Variants in SCGB2B2 observed in about 807,000 individuals in gnomAD.
SCGB2B2 encodes secretoglobin-like protein.
In SCGB2B2, 11 loss-of-function variants were observed where a neutral mutation model predicts 7.6. That is an observed-to-expected ratio of 1.45 (90% confidence interval 0.91 to 2.40). The LOEUF is 2.40. Among genes scored for constraint, SCGB2B2 ranks in the 30% most tolerant of loss-of-function variants. The probability of loss-of-function intolerance (pLI) is 0.00; values close to 1 mark genes in which losing one functional copy is unlikely to be tolerated. For synonymous variants in SCGB2B2, 50 were observed against 48.6 expected, an observed-to-expected ratio of 1.03 and a Z score of -0.12; for missense variants, 104 against 115.4, an observed-to-expected ratio of 0.90 and a Z score of 0.45.
At chr19:34,633,042 C>G (rs2066578456) in intron 1 of SCGB2B2, 2 of 152,346 alleles carry the variant, frequency 1.3e-5, no homozygotes, top group East Asian at 1.9e-4. Flanking sequence ...AAGCTGCTTA[C>G]TCTGCCCTGC....
At chr19:34,611,332 C>T (rs1016063506) in intron 1 of SCGB2B2, among the ~76,000 whole-genome samples, 1 of 151,944 alleles carries the variant, frequency 6.6e-6, no homozygotes, top group Non-Finnish European at 1.5e-5. Flanking sequence ...TGCTGTGATC[C>T]TTATTATAGT....
At chr19:34,650,390 G>A (rs539238250) in intron 1 of SCGB2B2, among the ~76,000 whole-genome samples, 13 of 151,404 alleles carry the variant, frequency 8.6e-5, no homozygotes, top group African/African-American at 3.2e-4. Context: ...GGTGTGGGTG[G>A]CAGCCACATC....
chr19:34,658,159 C>A (rs561568657), intron 1 of SCGB2B2, among the ~76,000 whole-genome samples: 1 of 151,940 alleles, frequency 6.6e-6, no homozygotes, highest in African/African-American at 2.4e-5. Flanking sequence ...GATCTAAAAT[C>A]GACACCCTAA....
At chr19:34,632,864 A>G (rs2066573819) in intron 1 of SCGB2B2, 1 of 152,324 alleles carries the variant, frequency 6.6e-6, no homozygotes, top group East Asian at 1.9e-4. Context: ...TCTCTCATAT[A>G]CAGCCAACCA....
intron 1 of SCGB2B2, among the ~76,000 whole-genome samples, chr19:34,651,038 T>TA (rs1304095632): frequency 6.6e-6 from 1 of 151,194 alleles, no homozygotes; most frequent in African/African-American, 2.5e-5. Context: ...AAAAGCATGA[T>TA]AAAATTCAAT....
At chr19:34,663,611 G>C (rs1245786010) in intron 1 of SCGB2B2, among the ~76,000 whole-genome samples, 1 of 152,192 alleles carries the variant, frequency 6.6e-6, no homozygotes, top group Non-Finnish European at 1.5e-5. Context: ...GTGCCGGGAG[G>C]AGCTCACCAT....
intron 1 of SCGB2B2, among the ~76,000 whole-genome samples, chr19:34,617,983 G>T (rs1352466488): frequency 6.6e-6 from 1 of 152,230 alleles, no homozygotes; most frequent in Non-Finnish European, 1.5e-5. Context: ...GCCTCGCCCT[G>T]CTTCGGCTCG....
intron 1 of SCGB2B2, among the ~76,000 whole-genome samples, chr19:34,606,542 C>CTTACT (rs1260221762): frequency 6.7e-6 from 1 of 148,768 alleles, no homozygotes; most frequent in African/African-American, 2.5e-5. Flanking sequence ...GGTGAGGACA[C>CTTACT]TTACTTAAGA....
chr19:34,654,437 A>AT (rs1465362767), intron 1 of SCGB2B2, among the ~76,000 whole-genome samples: 2 of 151,348 alleles, frequency 1.3e-5, no homozygotes, highest in Non-Finnish European at 2.9e-5. Context: ...TTAGATAAAC[A>AT]TACTTGTTAC....
At chr19:34,654,472 T>C (rs1295259572) in intron 1 of SCGB2B2, among the ~76,000 whole-genome samples, 1 of 151,210 alleles carries the variant, frequency 6.6e-6, no homozygotes, top group East Asian at 1.9e-4. Flanking sequence ...TTAATAAAGC[T>C]ATTAAAACAA....
Position 34,610,740 on chromosome 19 carries a change from C to T in SCGB2B2, c.-2031-14146G>A, listed in dbSNP as rs1053991592. On this transcript the variant is annotated intron_variant, in intron 1 of 3. Coordinates refer to ENST00000601241, the MANE Select transcript of SCGB2B2 (RefSeq NM_001025591.4). ...AGTATTTTGTTGAGGATGTTTGTAT[C>T]TATGTTTATTATGGATATTGGCCTA... is the stretch of plus-strand genomic sequence containing the variant. Among the ~76,000 whole-genome samples, 7 of 142,064 alleles carry T rather than the reference C, an allele frequency of 4.9e-5. No homozygotes were observed. The South Asian group carries it at 1.5e-3, about 31-fold the overall frequency. 93.2% of individuals were successfully genotyped at this position (142,064 alleles called of 152,430 possible). A position where few individuals can be genotyped will look rare whatever the true frequency, so the allele number is the denominator to read the frequency against.
At chr19:34,668,401 G>A (rs1252703956) in intron 1 of SCGB2B2, among the ~76,000 whole-genome samples, 4 of 152,228 alleles carry the variant, frequency 2.6e-5, no homozygotes, top group Admixed American at 2.0e-4. Flanking sequence ...GCAGGGCTCG[G>A]TACCTGCAGC....
intron 1 of SCGB2B2, among the ~76,000 whole-genome samples, chr19:34,634,437 G>A (rs2066619450): frequency 6.6e-6 from 1 of 152,212 alleles, no homozygotes; most frequent in South Asian, 2.1e-4. Context: ...GGGCAGGTTA[G>A]AAAGTGCAAT....
intron 1 of SCGB2B2, among the ~76,000 whole-genome samples, chr19:34,622,039 T>C (rs867558022): frequency 2.0e-5 from 3 of 152,226 alleles, no homozygotes; most frequent in Admixed American, 6.5e-5. Flanking sequence ...ACAGCAGTTC[T>C]GCCGCATTAT....
rs905256781 is a variant in SCGB2B2 at position 34,669,731 on chromosome 19, G to A, written c.-2032+5899C>T. Among the ~76,000 whole-genome samples the A allele has an allele frequency of 6.3e-3, 58 of 9,276 alleles. 1 individual carries two copies. Among genetic ancestry groups the A allele is most frequent in the Non-Finnish European group, 0.017 (44 of 2,554 alleles). 6.1% of individuals were successfully genotyped at this position (9,276 alleles called of 152,430 possible). A position where few individuals can be genotyped will look rare whatever the true frequency, so the allele number is the denominator to read the frequency against. On this transcript the variant is annotated intron_variant, in intron 1 of 3. Transcript: ENST00000601241. Reference sequence around the variant, plus strand: ...CCCCCACTTACACACACACACACACGAAGAGGTGTGTCTCATTTCCACCTG... The same window carrying A: ...CCCCCACTTACACACACACACACACAAAGAGGTGTGTCTCATTTCCACCTG...
At chr19:34,656,824 T>C (rs2067295080) in intron 1 of SCGB2B2, among the ~76,000 whole-genome samples, 4 of 151,314 alleles carry the variant, frequency 2.6e-5, no homozygotes, top group Admixed American at 2.6e-4. Context: ...ACAATTTATG[T>C]AAGATAAAAT....
chr19:34,665,262 G>A (rs984914027), intron 1 of SCGB2B2, among the ~76,000 whole-genome samples: 1 of 152,248 alleles, frequency 6.6e-6, no homozygotes, highest in Non-Finnish European at 1.5e-5. Flanking sequence ...CTGGACCACA[G>A]TGATGACAAG....
At chr19:34,604,231 T>C (rs965471877) in intron 1 of SCGB2B2, among the ~76,000 whole-genome samples, 2 of 152,212 alleles carry the variant, frequency 1.3e-5, no homozygotes, top group African/African-American at 4.8e-5. Flanking sequence ...AGGCTCAGGA[T>C]GTCCCTAGAT....
intron 1 of SCGB2B2, among the ~76,000 whole-genome samples, chr19:34,617,692 C>G (rs964711281): frequency 7.9e-5 from 12 of 152,202 alleles, no homozygotes; most frequent in Admixed American, 3.9e-4. Flanking sequence ...TCTTCTGCCT[C>G]ATTGCCCTGG....
Sources: allele counts gnomAD v4.1 joint callset (sites outside exome capture counted in the v4.1 genomes callset), GRCh38; gene constraint gnomAD v4.1.1; transcripts MANE v1.5; gene names NCBI Gene and HGNC (gene_info 2026-07-23, HGNC 2026-07-21).